PALM2AKAP2: variants seen among roughly 807,000 people sequenced by gnomAD.
PALM2AKAP2 encodes the protein PALM2-AKAP2 fusion protein.
Under a neutral mutation model 71.5 loss-of-function variants are expected in PALM2AKAP2, and 37 were observed. The ratio of observed to expected loss-of-function variants is 0.52; its 90% CI spans 0.40 to 0.68. The LOEUF (loss-of-function observed/expected upper bound fraction) is 0.68, where lower values mean the gene tolerates loss of function less well. Among genes scored for constraint, PALM2AKAP2 ranks in the 30% least tolerant of loss-of-function variants. PALM2AKAP2 has a pLI of 0.00. For synonymous variants in PALM2AKAP2, 468 were observed against 478.8 expected (o/e 0.98, Z 0.29); for missense variants, 1,224 against 1,191.8 (o/e 1.03, Z -0.40).
At chr9:109,924,905 T>G (rs2131963435) in intron 4 of PALM2AKAP2, among the ~76,000 whole-genome samples, 156 bp from the exon 5 acceptor site, 1 of 152,330 alleles carries the variant, frequency 6.6e-6, no homozygotes. Flanking sequence ...TCTAAATAAA[T>G]TGTCCAGAAG....
intron 2 of PALM2AKAP2, among the ~76,000 whole-genome samples, chr9:110,139,801 G>A (rs1835983065): frequency 6.6e-6 from 1 of 152,160 alleles, no homozygotes; most frequent in African/African-American, 2.4e-5. Context: ...CCAACATGAT[G>A]CCCCATCACC....
chr9:109,862,867 CA>C (rs1829351025), intron 1 of PALM2AKAP2: 1 of 507,800 alleles, frequency 2.0e-6, no homozygotes, highest in Admixed American at 2.0e-5. Flanking sequence ...GCAATAAGAA[CA>C]AAACTAAGAG....
chr9:109,871,419 T>C (rs1484887513), intron 2 of PALM2AKAP2, among the ~76,000 whole-genome samples: 1 of 152,220 alleles, frequency 6.6e-6, no homozygotes, highest in African/African-American at 2.4e-5. Context: ...TGTGGTGTAA[T>C]AATTTCTAAG....
intron 1 of PALM2AKAP2, among the ~76,000 whole-genome samples, chr9:110,065,755 G>A (rs1834065079): frequency 6.6e-6 from 1 of 152,132 alleles, no homozygotes; most frequent in South Asian, 2.1e-4. Context: ...TCTACTTTCT[G>A]TCTCTATGAA....
At chr9:109,976,200 C>T (rs1832170128) in intron 6 of PALM2AKAP2, among the ~76,000 whole-genome samples, 1 of 152,214 alleles carries the variant, frequency 6.6e-6, no homozygotes, top group Non-Finnish European at 1.5e-5. Flanking sequence ...GAGTGCCAGG[C>T]ACTAGGAGAC....
intron 1 of PALM2AKAP2, among the ~76,000 whole-genome samples, chr9:109,840,910 A>C (rs1192446226): frequency 1.3e-5 from 2 of 152,186 alleles, no homozygotes; most frequent in Non-Finnish European, 2.9e-5. Flanking sequence ...ACACTTTTAC[A>C]CTGTTGGTGG....
At position 110,113,569 on chromosome 9, in the gene PALM2AKAP2, G is replaced by A. The variant is rs532502170; in HGVS notation, c.157-22558G>A. On this transcript the variant is annotated intron_variant, in intron 1 of 3. Transcript: ENST00000374525. ...ACAGAGTTTTGCTCTTGTTGCCCAG[G>A]CTGGAGTGTAGTGGCACAATCTCGG... is the stretch of plus-strand genomic sequence containing the variant. Among the ~76,000 whole-genome samples, 5 of 151,496 alleles carry A rather than the reference G, an allele frequency of 3.3e-5. No individual in the cohort carries two copies. In the South Asian group the frequency reaches 6.3e-4, roughly 19 times the overall value.
intron 1 of PALM2AKAP2, among the ~76,000 whole-genome samples, chr9:109,842,329 C>T (rs1828718351): frequency 6.6e-6 from 1 of 152,182 alleles, no homozygotes; most frequent in Non-Finnish European, 1.5e-5. Flanking sequence ...CATCCACAAT[C>T]AGCTGCGTGT....
chr9:110,023,812 C>A (rs1833123069), intron 7 of PALM2AKAP2, among the ~76,000 whole-genome samples: 1 of 151,790 alleles, frequency 6.6e-6, no homozygotes, highest in Non-Finnish European at 1.5e-5. Context: ...AGCAACATGA[C>A]AAAACCCAGT....
intron 6 of PALM2AKAP2, among the ~76,000 whole-genome samples, chr9:109,986,978 A>G (rs996218573): frequency 6.6e-6 from 1 of 152,182 alleles, no homozygotes; most frequent in East Asian, 1.9e-4. Flanking sequence ...AACTTGAGTA[A>G]TCATTTACAG....
exon 4 of PALM2AKAP2, chr9:110,168,414 C>G: frequency 4.3e-6 from 7 of 1,614,096 alleles, no homozygotes; most frequent in Non-Finnish European, 5.9e-6. Context: ...CGAGGCCACA[C>G]GGGTTAATCG....
chr9:110,048,670 A>T (rs956528748), upstream of PALM2AKAP2: 2 of 1,498,074 alleles, frequency 1.3e-6, no homozygotes, highest in Non-Finnish European at 1.8e-6. Context: ...CCCGCCCTCC[A>T]GCGCGCCCGG....
At chr9:110,010,508 T>C (rs1832861450) in intron 6 of PALM2AKAP2, among the ~76,000 whole-genome samples, 1 of 147,456 alleles carries the variant, frequency 6.8e-6, no homozygotes, top group African/African-American at 2.5e-5. Flanking sequence ...AATATAGCAA[T>C]ATATAATATA....
At chr9:110,082,812 C>A (rs1787845340) in intron 1 of PALM2AKAP2, among the ~76,000 whole-genome samples, 1 of 152,146 alleles carries the variant, frequency 6.6e-6, no homozygotes, top group South Asian at 2.1e-4. Context: ...AGAACTTTTT[C>A]ATTTTCCCAA....
At chr9:109,746,517 G>T (rs1350773198) in intron 1 of PALM2AKAP2, among the ~76,000 whole-genome samples, 1 of 151,940 alleles carries the variant, frequency 6.6e-6, no homozygotes, top group Non-Finnish European at 1.5e-5. Flanking sequence ...TCAATCTTAG[G>T]GTCAGAGCTA....
rs543194900 is a variant in PALM2AKAP2, at chr9:109,887,989, G to A, written c.257+7308G>A. Among the ~76,000 whole-genome samples, 6 of 152,244 alleles carry A rather than the reference G, an allele frequency of 3.9e-5. No individual in the cohort carries two copies. The South Asian group carries it at 8.3e-4, about 21-fold the overall frequency. On this transcript the variant is annotated intron_variant, in intron 3 of 9. Transcript: ENST00000302798. The stretch of plus-strand genomic sequence containing the variant: ...GACGCACCATGACTCTGGAGGTGCC[G>A]GTCTTCAGCCTATTGTGGGTGGTCA...
chr9:110,012,123 T>C (rs1006188607), intron 6 of PALM2AKAP2, among the ~76,000 whole-genome samples: 2 of 151,992 alleles, frequency 1.3e-5, no homozygotes, highest in African/African-American at 4.8e-5. Flanking sequence ...CAAAACCCTG[T>C]TTCTACTAAA....
chr9:109,874,150 A>T (rs1208538665), intron 2 of PALM2AKAP2, among the ~76,000 whole-genome samples: 1 of 152,154 alleles, frequency 6.6e-6, no homozygotes, highest in Non-Finnish European at 1.5e-5. Flanking sequence ...AGAATTCCTC[A>T]CATGTCAGCC....
chr9:109,673,265 A>G (rs1005775968), intron 1 of PALM2AKAP2, among the ~76,000 whole-genome samples: 3 of 151,980 alleles, frequency 2.0e-5, no homozygotes, highest in Admixed American at 1.3e-4. Flanking sequence ...TTTCCTCTTA[A>G]CAATGACTTA....
Sources: gnomAD v4.1 joint callset for allele counts (sites outside exome capture counted in the v4.1 genomes callset) on GRCh38, gnomAD v4.1.1 for gene constraint, MANE v1.5 for transcripts, NCBI Gene and HGNC (gene_info 2026-07-23, HGNC 2026-07-21) for gene names.